The following CTNNA3 variants were observed in gnomAD, a reference collection of about 807,000 sequenced individuals.
CTNNA3 encodes catenin alpha-3.
Under a neutral mutation model 95.7 loss-of-function variants are expected in CTNNA3, and 76 were observed. That is an observed-to-expected ratio of 0.79 (90% CI 0.66 to 0.96). The LOEUF (loss-of-function observed/expected upper bound fraction) is 0.96. CTNNA3 is among the 40% of genes least tolerant of loss of function. CTNNA3 has a pLI of 0.00. For missense variants in CTNNA3, 1,191 were observed against 1,089.8 expected (o/e 1.09, Z -1.31); for synonymous variants, 431 against 374.4 (o/e 1.15, Z -1.74).
intron 11 of CTNNA3, among the ~76,000 whole-genome samples, chr10:66,409,697 T>C (rs1416726420): frequency 6.6e-6 from 1 of 152,170 alleles, no homozygotes; most frequent in Non-Finnish European, 1.5e-5. Context: ...TAAAGAGACA[T>C]TTAGTTTATG....
intron 13 of CTNNA3, among the ~76,000 whole-genome samples, chr10:66,215,527 T>C (rs1202471645): frequency 6.6e-6 from 1 of 152,102 alleles, no homozygotes; most frequent in African/African-American, 2.4e-5. Context: ...AAACATTACA[T>C]TGCAAATCAA....
intron 5 of CTNNA3, among the ~76,000 whole-genome samples, chr10:67,269,730 C>A (rs901895517): frequency 1.3e-5 from 2 of 152,214 alleles, no homozygotes; most frequent in Non-Finnish European, 2.9e-5. Flanking sequence ...AGCAAATGAG[C>A]AGATCAAGTT....
Position 66,102,314 on chromosome 10 carries a change from T to C in CTNNA3, c.1977+843A>G, listed in dbSNP as rs116397154. 9.7e-3 allele frequency among the ~76,000 whole-genome samples: 1,474 copies of C among 152,282 alleles called. 16 individuals are homozygous for C. The highest frequency in any genetic ancestry group is 0.033 in the African/African-American group (1,377 of 41,546). On this transcript the variant is annotated intron_variant, in intron 14 of 17. Coordinates refer to ENST00000433211, the MANE Select transcript of CTNNA3 (RefSeq NM_013266.4). ...TAGTAACTAACAGTTATTGAGAAGT[T>C]ACTATGAACTAGGCACTATATAAGT...
intron 12 of CTNNA3, among the ~76,000 whole-genome samples, chr10:66,308,789 A>T (rs997317793): frequency 6.6e-6 from 1 of 152,178 alleles, no homozygotes; most frequent in African/African-American, 2.4e-5. Flanking sequence ...TATTATAAAC[A>T]TCTATAAAAA....
At chr10:66,567,387 G>A (rs533014347) in intron 10 of CTNNA3, among the ~76,000 whole-genome samples, 1 of 152,160 alleles carries the variant, frequency 6.6e-6, no homozygotes, top group Admixed American at 6.5e-5. Context: ...TGGGGGCCAA[G>A]GCAGGAGAAT....
chr10:66,612,955 A>C (rs1235071044), intron 10 of CTNNA3, among the ~76,000 whole-genome samples: 1 of 151,884 alleles, frequency 6.6e-6, no homozygotes, highest in Non-Finnish European at 1.5e-5. Flanking sequence ...ATAAATTTTC[A>C]ATTTTGATTA....
At chr10:67,253,712 G>T (rs1169819462) in intron 5 of CTNNA3, among the ~76,000 whole-genome samples, 1 of 152,190 alleles carries the variant, frequency 6.6e-6, no homozygotes, top group Non-Finnish European at 1.5e-5. Flanking sequence ...GTTCCCTGCA[G>T]TTTCCTCCAA....
intron 17 of CTNNA3, among the ~76,000 whole-genome samples, chr10:65,933,266 AG>A (rs779475430): frequency 1.6e-4 from 24 of 152,178 alleles, no homozygotes; most frequent in Non-Finnish European, 2.9e-4. Context: ...GTCTCACAAG[AG>A]CCATAATTTG....
rs538227969 is a variant in CTNNA3 at position 66,794,554 on chromosome 10, C to CT, written c.1048-19031dup. ...ATATGAGCCTTCAGCAAGTCAAAAC[C>CT]TTTTTTGCTGATGGAGGGTCTTGCC... is the stretch of plus-strand genomic sequence containing the variant. On this transcript the variant is annotated intron_variant, in intron 7 of 17. Coordinates refer to ENST00000433211, the MANE Select transcript of CTNNA3 (RefSeq NM_013266.4). 2.5e-3 allele frequency among the ~76,000 whole-genome samples: 384 copies of CT among 152,136 alleles called. 3 individuals are homozygous for CT. The highest frequency in any genetic ancestry group is 8.4e-3 in the African/African-American group (347 of 41,512).
chr10:66,894,265 T>G (rs1274653004), intron 7 of CTNNA3, among the ~76,000 whole-genome samples: 1 of 152,042 alleles, frequency 6.6e-6, no homozygotes, highest in East Asian at 1.9e-4. Context: ...GTAAAGGAGT[T>G]TGAACAGAAC....
intron 7 of CTNNA3, among the ~76,000 whole-genome samples, chr10:67,147,532 G>T (rs779660718): frequency 6.6e-6 from 1 of 152,104 alleles, no homozygotes; most frequent in Non-Finnish European, 1.5e-5. Flanking sequence ...CAAATAGCCT[G>T]CTAGATCTAA....
chr10:66,433,929 G>T (rs1420778984), intron 11 of CTNNA3, among the ~76,000 whole-genome samples: 3 of 152,154 alleles, frequency 2.0e-5, no homozygotes, highest in Admixed American at 6.5e-5. Context: ...TTTGTGTCAG[G>T]TTTGTCAAAG....
At chr10:66,407,987 C>T (rs1017702983) in intron 11 of CTNNA3, among the ~76,000 whole-genome samples, 8 of 152,170 alleles carry the variant, frequency 5.3e-5, no homozygotes, top group Non-Finnish European at 7.3e-5. Flanking sequence ...ACAACCCCAA[C>T]GGATATCAAA....
At chr10:65,959,412 G>A (rs1250458364) in intron 17 of CTNNA3, among the ~76,000 whole-genome samples, 1 of 152,292 alleles carries the variant, frequency 6.6e-6, no homozygotes, top group East Asian at 1.9e-4. Flanking sequence ...ACAAGCCCCA[G>A]TGAGATGAAC....
chr10:67,699,776 A>G (rs113113551), upstream of CTNNA3, among the ~76,000 whole-genome samples: 1 of 152,090 alleles, frequency 6.6e-6, no homozygotes, highest in African/African-American at 2.4e-5. Context: ...TGGGCGCAGG[A>G]CAGTGGGTGC....
intron 15 of CTNNA3, among the ~76,000 whole-genome samples, chr10:66,042,328 T>A (rs970063754): frequency 6.6e-6 from 1 of 152,156 alleles, no homozygotes; most frequent in African/African-American, 2.4e-5. Flanking sequence ...GGGAAGTTCT[T>A]GAAAGCAAGG....
chr10:67,689,509 G>A (rs187983873), intron 1 of CTNNA3, among the ~76,000 whole-genome samples: 207 of 152,254 alleles, frequency 1.4e-3, no homozygotes, highest in East Asian at 9.7e-3. Context: ...CCTCAGAGAA[G>A]AGAGGCGAGA....
chr10:67,456,370 T>C (rs1847172666), intron 5 of CTNNA3, among the ~76,000 whole-genome samples: 1 of 152,194 alleles, frequency 6.6e-6, no homozygotes, highest in African/African-American at 2.4e-5. Flanking sequence ...CTCCTATGGA[T>C]AGCAATATTT....
intron 13 of CTNNA3, among the ~76,000 whole-genome samples, chr10:66,191,353 T>G (rs1171137470): frequency 1.3e-5 from 2 of 152,136 alleles, no homozygotes; most frequent in Non-Finnish European, 1.5e-5. Flanking sequence ...TCCCTCCATG[T>G]AATGTAAACA....
Sources: gnomAD v4.1 joint callset for allele counts (sites outside exome capture counted in the v4.1 genomes callset) on GRCh38, gnomAD v4.1.1 for gene constraint, MANE v1.5 for transcripts, NCBI Gene and HGNC (gene_info 2026-07-23, HGNC 2026-07-21) for gene names.